The following DMXL1 variants were observed in gnomAD, a reference collection of about 807,000 sequenced individuals.
DMXL1 encodes Dmx like 1.
In DMXL1, 99 loss-of-function variants were observed where a neutral mutation model predicts 319.2. That is an observed-to-expected ratio of 0.31 (90% CI 0.26 to 0.37). The LOEUF (loss-of-function observed/expected upper bound fraction) is 0.37, where lower values mean the gene tolerates loss of function less well. Among genes scored for constraint, DMXL1 ranks in the 10% least tolerant of loss-of-function variants. The probability of loss-of-function intolerance (pLI) is 1.00; values close to 1 mark genes in which losing one functional copy is unlikely to be tolerated. For missense variants in DMXL1, 3,745 were observed against 3,595.6 expected (o/e 1.04, Z -1.06); for synonymous variants, 1,385 against 1,235.2 (o/e 1.12, Z -2.54).
At chr5:119,134,478 C>G (rs1383381926) in intron 13 of DMXL1, 89 bp downstream of exon 13, 1 of 1,130,912 alleles carries the variant, frequency 8.8e-7, no homozygotes, top group African/African-American at 1.6e-5. Flanking sequence ...CAATTGTGAC[C>G]TATAATTTGT....
Position 119,110,277 on chromosome 5 carries a change from A to G in DMXL1, c.491A>G (p.His164Arg). ...LNFGDWKCIW[H>R]CKTASQVHLM... is the part of the protein sequence containing the mutation. ...TTTGGAGATTGGAAATGCATTTGGC[A>G]TTGCAAGTAAGCAATTAATCAGGGG... The change falls in exon 5 of 44, where the codon CAT becomes CGT. Residue 164 changes from histidine to arginine, a missense_variant. Physicochemically the swap from His to Arg is conservative, Grantham distance 29. Coordinates refer to ENST00000539542, the MANE Select transcript of DMXL1 (RefSeq NM_001290321.3). The G allele has an allele frequency of 6.4e-7, 1 of 1,560,462 alleles. No individual in the cohort carries two copies. Among genetic ancestry groups the G allele is most frequent in the Non-Finnish European group, 8.6e-7 (1 of 1,162,748 alleles).
intron 21 of DMXL1, among the ~76,000 whole-genome samples, chr5:119,166,178 G>GA (rs1263888592): frequency 3.3e-5 from 5 of 152,126 alleles, no homozygotes; most frequent in African/African-American, 9.7e-5. Flanking sequence ...ACCTTTGGGG[G>GA]AAAAATCACG....
At position 119,118,963 on chromosome 5, in the gene DMXL1, A is replaced by G. The variant is rs1761439920; in HGVS notation, c.892A>G (p.Arg298Gly). ...ESINLTNNFK[R>G]NASSKERVQN... ...AATTAATTTAACAAATAACTTCAAG[A>G]GAAATGCTTCCAGTAAAGAACGAGT... Residue 298 changes from arginine (R) to glycine (G), a missense_variant, in exon 8 of 44, where the codon AGA becomes GGA. By Grantham distance (125) the Arg-to-Gly change is moderately radical. Coordinates refer to ENST00000539542, the MANE Select transcript of DMXL1 (RefSeq NM_001290321.3). 1 of 1,613,396 alleles carries G rather than the reference A, an allele frequency of 6.2e-7. No individual in the cohort carries two copies. The highest frequency in any genetic ancestry group is 1.1e-5 in the South Asian group (1 of 90,852).
chr5:119,160,210 C>A (rs998171383), intron 19 of DMXL1, among the ~76,000 whole-genome samples: 14 of 151,982 alleles, frequency 9.2e-5, no homozygotes, highest in Admixed American at 8.5e-4. Context: ...TTGCTGCATC[C>A]CATAAATTTT....
chr5:119,165,184 T>C lies in DMXL1; in HGVS notation c.4874T>C (p.Val1625Ala), dbSNP rs1258279679. 1 of 1,568,130 alleles carries C rather than the reference T, an allele frequency of 6.4e-7. No homozygotes were observed. Among genetic ancestry groups the C allele is most frequent in the East Asian group, 2.3e-5 (1 of 44,358 alleles). ...TRILRKCIEK[V>A]AKAAFYRKND... ...TTGATCAATATTTTTTGATTATAGG[T>C]AGCTAAAGCAGCCTTTTATAGAAAG... Residue 1625 changes from valine to alanine, a missense_variant and splice_region_variant, in exon 21 of 44, where the codon GTA becomes GCA. Physicochemically the swap from Val to Ala is moderately conservative, Grantham distance 64 (BLOSUM62 0). Transcript: ENST00000539542.
intron 23 of DMXL1, among the ~76,000 whole-genome samples, chr5:119,168,936 C>T (rs1773993922): frequency 6.6e-6 from 1 of 151,918 alleles, no homozygotes; most frequent in Admixed American, 6.6e-5. Context: ...TGGAGTCTCA[C>T]TCTCACCCAG....
intron 18 of DMXL1, among the ~76,000 whole-genome samples, chr5:119,151,457 A>G (rs981494211): frequency 6.6e-6 from 1 of 152,146 alleles, no homozygotes; most frequent in South Asian, 2.1e-4. Flanking sequence ...AGTAGATACT[A>G]TTTTTGATGT....
At position 119,137,076 on chromosome 5, in the gene DMXL1, G is replaced by A. The variant is rs149308013; in HGVS notation, c.2376+2687G>A. On this transcript the variant is annotated intron_variant, in intron 13 of 43. Transcript: ENST00000539542. ...CACTAGCCTGTGAAAGCAGCCACAG[G>A]CACTGTACCCTGCAGAGCCACAGGG... Among the ~76,000 whole-genome samples, 606 of 152,342 alleles carry A rather than the reference G, an allele frequency of 4.0e-3. 10 individuals carry two copies. The highest frequency in any genetic ancestry group is 0.026 in the South Asian group (127 of 4,832).
intron 34 of DMXL1, among the ~76,000 whole-genome samples, chr5:119,214,569 T>C (rs988723619): frequency 6.6e-6 from 1 of 152,204 alleles, no homozygotes; most frequent in Non-Finnish European, 1.5e-5. Context: ...CTGCCACTTA[T>C]GGTCATTCAC....
At chr5:119,194,570 G>A (rs892116564) in intron 30 of DMXL1, among the ~76,000 whole-genome samples, 1 of 152,194 alleles carries the variant, frequency 6.6e-6, no homozygotes, top group African/African-American at 2.4e-5. Context: ...GATAAAAAAT[G>A]TGAATTTTCC....
intron 28 of DMXL1, among the ~76,000 whole-genome samples, chr5:119,187,442 G>A (rs1194381596): frequency 6.6e-6 from 1 of 152,110 alleles, no homozygotes; most frequent in Non-Finnish European, 1.5e-5. Flanking sequence ...CGACCAATCT[G>A]ACCCAGCAGG....
chr5:119,188,487 T>TA (rs953567320), intron 28 of DMXL1, among the ~76,000 whole-genome samples: 1 of 152,178 alleles, frequency 6.6e-6, no homozygotes, highest in Admixed American at 6.5e-5. Flanking sequence ...TTTTGAAAGG[T>TA]AAAAAAATAT....
chr5:119,078,103 A>G (rs1416812689), intron 1 of DMXL1, among the ~76,000 whole-genome samples: 1 of 152,008 alleles, frequency 6.6e-6, no homozygotes, highest in Non-Finnish European at 1.5e-5. Context: ...TGGTACAAGG[A>G]TTATTTTAAA....
In DMXL1 at chr5:119,211,964, A is replaced by G. The variant is rs1315650963; in HGVS notation, c.7927-4937A>G. ...ATCCTGGTGTTAATCTATTGTAACTATCTCTTTCTCCTCCAGCTTCTAAGG... is the reference window on the plus strand; with the variant it reads ...ATCCTGGTGTTAATCTATTGTAACTGTCTCTTTCTCCTCCAGCTTCTAAGG... On this transcript the variant is annotated intron_variant, in intron 34 of 43. Coordinates refer to ENST00000539542, the MANE Select transcript of DMXL1 (RefSeq NM_001290321.3). 2.0e-5 allele frequency among the ~76,000 whole-genome samples: 3 copies of G among 152,272 alleles called. No individual in the cohort carries two copies. The East Asian group carries it at 5.8e-4, about 29-fold the overall frequency.
intron 19 of DMXL1, among the ~76,000 whole-genome samples, chr5:119,161,640 G>A (rs555673230): frequency 3.3e-5 from 5 of 152,326 alleles, no homozygotes; most frequent in Admixed American, 2.0e-4. Flanking sequence ...AGTGGTGTTT[G>A]AGGCTGAGCC....
At chr5:119,225,462 T>C (rs1785365077) in intron 38 of DMXL1, among the ~76,000 whole-genome samples, 1 of 152,058 alleles carries the variant, frequency 6.6e-6, no homozygotes, top group South Asian at 2.1e-4. Context: ...TTAATATTTT[T>C]TTTTAAGTTA....
chr5:119,231,707 G>A (rs1786764351), intron 38 of DMXL1, among the ~76,000 whole-genome samples: 1 of 152,168 alleles, frequency 6.6e-6, no homozygotes, highest in African/African-American at 2.4e-5. Context: ...TCACCGAGGT[G>A]GCATGAGGGG....
chr5:119,213,767 A>T (rs1184050036), intron 34 of DMXL1, among the ~76,000 whole-genome samples: 2 of 152,174 alleles, frequency 1.3e-5, no homozygotes, highest in African/African-American at 4.8e-5. Context: ...CTCCACTGAG[A>T]TTGTCCTAGA....
intron 29 of DMXL1, among the ~76,000 whole-genome samples, chr5:119,191,282 A>G (rs922553652): frequency 6.6e-6 from 1 of 152,106 alleles, no homozygotes; most frequent in South Asian, 2.1e-4. Context: ...CACATTCTCA[A>G]TTTCCAGACG....
Sources: allele counts gnomAD v4.1 joint callset (sites outside exome capture counted in the v4.1 genomes callset), GRCh38; gene constraint gnomAD v4.1.1; transcripts MANE v1.5; gene names NCBI Gene and HGNC (gene_info 2026-07-23, HGNC 2026-07-21).